Variants in GPR158 observed in about 807,000 individuals in gnomAD.
GPR158 encodes metabotropic glycine receptor.
GPR158 carries 30 observed loss-of-function variants against 78.2 expected under a neutral mutation model. That is an observed-to-expected ratio of 0.38 (90% CI 0.29 to 0.52). The LOEUF (loss-of-function observed/expected upper bound fraction) is 0.52, where lower values mean the gene tolerates loss of function less well. GPR158 is among the 20% of genes least tolerant of loss of function. GPR158 has a pLI of 0.83. For synonymous variants in GPR158, 581 were observed against 591.1 expected, an observed-to-expected ratio of 0.98 and a Z score of 0.25; for missense variants, 1,463 against 1,523.5, an observed-to-expected ratio of 0.96 and a Z score of 0.66.
chr10:25,361,280 G>A (rs1258113784), intron 2 of GPR158, among the ~76,000 whole-genome samples: 4 of 151,690 alleles, frequency 2.6e-5, no homozygotes, highest in African/African-American at 9.7e-5. Context: ...TCTTTTTTAA[G>A]TCTGAATAAT....
intron 2 of GPR158, among the ~76,000 whole-genome samples, chr10:25,241,194 CTTT>C (rs1853609399): frequency 1.1e-4 from 9 of 78,574 alleles, no homozygotes; most frequent in African/African-American, 2.7e-4. Context: ...TCTTTCCTTT[CTTT>C]CTTTCCTTTC....
chr10:25,235,303 T>G (rs1853504356), intron 2 of GPR158, among the ~76,000 whole-genome samples: 1 of 152,208 alleles, frequency 6.6e-6, no homozygotes, highest in Non-Finnish European at 1.5e-5. Flanking sequence ...GAATCTATTT[T>G]CTTCTCTTAT....
intron 5 of GPR158, among the ~76,000 whole-genome samples, chr10:25,543,470 C>T (rs1242676752): frequency 6.6e-6 from 1 of 152,120 alleles, no homozygotes; most frequent in African/African-American, 2.4e-5. Flanking sequence ...CCACTAAGAT[C>T]ATTTGATTGA....
At chr10:25,185,651 G>A (rs989152676) in intron 1 of GPR158, among the ~76,000 whole-genome samples, 9 of 152,058 alleles carry the variant, frequency 5.9e-5, no homozygotes, top group Admixed American at 3.9e-4. Flanking sequence ...GTGAAACCCC[G>A]TCTGTACTAA....
chr10:25,324,599 C>G (rs111528523), intron 2 of GPR158, among the ~76,000 whole-genome samples: 2,334 of 152,216 alleles, frequency 0.015, 67 homozygotes, highest in African/African-American at 0.053. Context: ...AAATGTGACA[C>G]ACAGACGCAA....
At position 25,599,550 on chromosome 10, in the gene GPR158, G is replaced by T. The variant is rs116914499; in HGVS notation, c.*276G>T. On this transcript the variant is annotated 3_prime_UTR_variant, in exon 11 of 11. Transcript: ENST00000376351. ...TTAAGGAAAATAGCCCACAATGTCT[G>T]CCCTGATCAATATGTATCCATGGGA... is the stretch of plus-strand genomic sequence containing the variant. The T allele has an allele frequency of 4.2e-4, 164 of 391,582 alleles. 2 individuals are homozygous for T. In the East Asian group the frequency reaches 7.2e-3, roughly 17 times the overall value. 24.3% of individuals were successfully genotyped at this position (391,582 alleles called of 1,614,324 possible).
intron 5 of GPR158, among the ~76,000 whole-genome samples, chr10:25,500,943 A>C (rs1206762091): frequency 1.3e-5 from 2 of 152,228 alleles, no homozygotes; most frequent in African/African-American, 4.8e-5. Flanking sequence ...TATGTTTGGC[A>C]TCAAGTCACA....
At chr10:25,442,155 C>T (rs977477811) in intron 4 of GPR158, among the ~76,000 whole-genome samples, 1 of 152,020 alleles carries the variant, frequency 6.6e-6, no homozygotes, top group Admixed American at 6.6e-5. Context: ...TGTTTAGCAG[C>T]GTGAAGTGAC....
At chr10:25,387,386 G>A (rs547973104) in intron 2 of GPR158, among the ~76,000 whole-genome samples, 102 of 152,044 alleles carry the variant, frequency 6.7e-4, no homozygotes, top group Non-Finnish European at 1.2e-3. Flanking sequence ...TTTGGTTTGA[G>A]ATTTTTGCAT....
At chr10:25,383,641 T>C (rs1316391963) in intron 2 of GPR158, among the ~76,000 whole-genome samples, 1 of 152,206 alleles carries the variant, frequency 6.6e-6, no homozygotes, top group Admixed American at 6.5e-5. Context: ...TAATTGCATT[T>C]CTTAAAGTAT....
intron 1 of GPR158, among the ~76,000 whole-genome samples, chr10:25,214,862 G>GT (rs1212095066): frequency 2.6e-5 from 4 of 152,020 alleles, no homozygotes; most frequent in Non-Finnish European, 5.9e-5. Context: ...ACTCCTTTAT[G>GT]TTAAACTTCT....
At chr10:25,191,058 A>G (rs1852765576) in intron 1 of GPR158, among the ~76,000 whole-genome samples, 1 of 152,248 alleles carries the variant, frequency 6.6e-6, no homozygotes, top group Non-Finnish European at 1.5e-5. Flanking sequence ...AAAGCCTCTC[A>G]CAATACAGTC....
At chr10:25,195,407 T>C (rs1293074747) in intron 1 of GPR158, among the ~76,000 whole-genome samples, 1 of 152,240 alleles carries the variant, frequency 6.6e-6, no homozygotes, top group African/African-American at 2.4e-5. Context: ...GGTTTCATCA[T>C]ATTGGCCAGG....
chr10:25,370,159 C>G (rs897884735), intron 2 of GPR158, among the ~76,000 whole-genome samples: 5 of 143,260 alleles, frequency 3.5e-5, no homozygotes, highest in African/African-American at 5.1e-5. Flanking sequence ...TTTTGTGTCT[C>G]TATTTCCTTC....
intron 2 of GPR158, among the ~76,000 whole-genome samples, chr10:25,228,349 T>C (rs1294302417): frequency 1.3e-5 from 2 of 151,944 alleles, no homozygotes; most frequent in Non-Finnish European, 2.9e-5. Context: ...AATTCATAAA[T>C]ATATATGTAC....
chr10:25,187,745 C>A (rs1378869520), intron 1 of GPR158, among the ~76,000 whole-genome samples: 1 of 152,178 alleles, frequency 6.6e-6, no homozygotes, highest in Non-Finnish European at 1.5e-5. Flanking sequence ...CCCTCTCTCA[C>A]CACTCCTATT....
At chr10:25,179,145 G>T (rs1023713835) in intron 1 of GPR158, among the ~76,000 whole-genome samples, 1 of 152,086 alleles carries the variant, frequency 6.6e-6, no homozygotes, top group Non-Finnish European at 1.5e-5. Flanking sequence ...AAAGGAAAAG[G>T]TTTTTTGTTG....
intron 4 of GPR158, among the ~76,000 whole-genome samples, chr10:25,428,011 A>G (rs1047293683): frequency 6.6e-6 from 1 of 152,018 alleles, no homozygotes; most frequent in African/African-American, 2.4e-5. Context: ...TTTTATAGTC[A>G]TACCTCTTAC....
intron 5 of GPR158, among the ~76,000 whole-genome samples, chr10:25,488,506 A>G (rs1835762548): frequency 6.6e-6 from 1 of 152,212 alleles, no homozygotes; most frequent in African/African-American, 2.4e-5. Flanking sequence ...GTGAAACAAA[A>G]AAAAGATAAA....
Sources: gnomAD v4.1 joint callset for allele counts (sites outside exome capture counted in the v4.1 genomes callset) on GRCh38, gnomAD v4.1.1 for gene constraint, MANE v1.5 for transcripts, NCBI Gene and HGNC (gene_info 2026-07-23, HGNC 2026-07-21) for gene names.